ACACA: variants seen among roughly 807,000 people sequenced by gnomAD.
The protein encoded by ACACA is acetyl-CoA carboxylase 1.
In ACACA, 103 loss-of-function variants were observed where a neutral mutation model predicts 296.1. That is an observed-to-expected ratio of 0.35 (90% CI 0.30 to 0.41). The LOEUF (loss-of-function observed/expected upper bound fraction) is 0.41. ACACA is among the 10% of genes least tolerant of loss of function. The pLI is 1.00. For synonymous variants in ACACA, 953 were observed against 1,038.6 expected (o/e 0.92, Z 1.58); for missense variants, 1,554 against 2,989.7 (o/e 0.52, Z 11.20).
intron 24 of ACACA, among the ~76,000 whole-genome samples, chr17:37,239,742 T>C (rs2080296916): frequency 6.6e-6 from 1 of 152,248 alleles, no homozygotes; most frequent in Non-Finnish European, 1.5e-5. Context: ...TTGTTATGTA[T>C]TATTTTGTAT....
At chr17:37,259,765 C>T (rs916731218) in intron 11 of ACACA, among the ~76,000 whole-genome samples, 2 of 152,080 alleles carry the variant, frequency 1.3e-5, no homozygotes, top group African/African-American at 4.8e-5. Context: ...CCTCACCCCA[C>T]CAGACATAAA....
At position 37,281,200 on chromosome 17, in the gene ACACA, C is replaced by T. The variant is rs147574935; in HGVS notation, c.610+2067G>A. On this transcript the variant is annotated intron_variant, in intron 5 of 55. Coordinates refer to ENST00000616317, the MANE Select transcript of ACACA (RefSeq NM_198834.3). ...CTCAGCTTCCGAGTAGCTGGATTTA[C>T]GGGCACCAGCACCATGCCCAGCTAA... Among the ~76,000 whole-genome samples, 914 of 151,924 alleles carry T rather than the reference C, an allele frequency of 6.0e-3. 10 individuals carry two copies. Among genetic ancestry groups the T allele is most frequent in the African/African-American group, 0.021 (851 of 41,440 alleles).
chr17:37,240,591 A>G, intron 23 of ACACA, 27 bp from the exon 24 acceptor site: 1 of 1,591,266 alleles, frequency 6.3e-7, no homozygotes, highest in Non-Finnish European at 8.6e-7. Flanking sequence ...TCTCCACTGA[A>G]AAACCTGACA....
At chr17:37,175,693 G>GAGCT (rs1441337956) in intron 41 of ACACA, among the ~76,000 whole-genome samples, 4 of 152,086 alleles carry the variant, frequency 2.6e-5, no homozygotes, top group Non-Finnish European at 5.9e-5. Context: ...CTCATCTTTG[G>GAGCT]AGCTATCTGC....
chr17:37,276,593 A>C (rs557637507), intron 7 of ACACA, among the ~76,000 whole-genome samples: 2 of 152,386 alleles, frequency 1.3e-5, no homozygotes, highest in South Asian at 4.1e-4. Flanking sequence ...AAAAGTCAGA[A>C]GAAGTATCTC....
chr17:37,145,367 G>A (rs1190203223), intron 45 of ACACA, among the ~76,000 whole-genome samples: 2 of 152,174 alleles, frequency 1.3e-5, no homozygotes, highest in East Asian at 3.9e-4. Flanking sequence ...CACACATCAG[G>A]TCTGCCACGC....
chr17:37,272,932 C>A (rs2082130656), intron 9 of ACACA, among the ~76,000 whole-genome samples: 1 of 152,170 alleles, frequency 6.6e-6, no homozygotes, highest in South Asian at 2.1e-4. Flanking sequence ...GTGGCTTTAT[C>A]ATCATCTTTG....
In ACACA at chr17:37,123,851, T is replaced by C. The variant is rs549443420; in HGVS notation, c.6042-1224A>G. 5.1e-3 allele frequency among the ~76,000 whole-genome samples: 784 copies of C among 152,376 alleles called. 7 individuals carry two copies. The highest frequency in any genetic ancestry group is 0.018 in the African/African-American group (736 of 41,588). On this transcript the variant is annotated intron_variant, in intron 48 of 55. Transcript: ENST00000616317. The stretch of plus-strand genomic sequence containing the variant: ...CTAAATCGGTAACTTATAACTTATA[T>C]ATTAGGGCCCATGTGACCTAATAAA...
intron 28 of ACACA, chr17:37,222,084 T>C: frequency 1.8e-6 from 1 of 540,658 alleles, no homozygotes; most frequent in South Asian, 2.1e-5. Context: ...CTATGTGCAC[T>C]GTAAACCTTC....
intron 1 of ACACA, chr17:37,386,106 A>T (rs1270701277): frequency 6.3e-7 from 1 of 1,580,246 alleles, no homozygotes; most frequent in Non-Finnish European, 8.7e-7. Context: ...ATAAAGAAGG[A>T]GAGAAAACTA....
intron 50 of ACACA, among the ~76,000 whole-genome samples, chr17:37,114,632 T>C (rs1431493492): frequency 6.6e-6 from 1 of 152,086 alleles, no homozygotes; most frequent in Non-Finnish European, 1.5e-5. Flanking sequence ...AGTGAGTCCC[T>C]GGAAAACTGG....
chr17:37,202,829 T>C (rs1409889536), intron 33 of ACACA, among the ~76,000 whole-genome samples: 5 of 151,120 alleles, frequency 3.3e-5, no homozygotes, highest in Non-Finnish European at 7.4e-5. Flanking sequence ...AGTCTACCCT[T>C]ACCTTTCTAA....
intron 1 of ACACA, among the ~76,000 whole-genome samples, chr17:37,372,702 CAT>C (rs886131806): frequency 1.3e-5 from 2 of 152,088 alleles, no homozygotes; most frequent in African/African-American, 4.8e-5. Flanking sequence ...TCATAAAACT[CAT>C]AACTTTTTTC....
Position 37,130,226 on chromosome 17 carries a change from A to G in ACACA, c.5680-8T>C. ...CACTTCCCGCCCGAGGACCTAGAGA[A>G]AAGAGCAAGAGAAAAGACATTTGTC... is the stretch of plus-strand genomic sequence containing the variant. On this transcript the variant is annotated splice_polypyrimidine_tract_variant and splice_region_variant and intron_variant, in intron 45 of 55. Transcript: ENST00000616317. 6.2e-7 allele frequency: 1 copy of G among 1,614,206 alleles called. No individual in the cohort carries two copies. Among genetic ancestry groups the G allele is most frequent in the Non-Finnish European group, 8.5e-7 (1 of 1,180,006 alleles).
rs769236836 is a variant in ACACA at position 37,258,386 on chromosome 17, A to G, written c.1501-13T>C. 6.5e-5 allele frequency: 105 copies of G among 1,613,460 alleles called. No homozygotes were observed. Among genetic ancestry groups the G allele is most frequent in the Non-Finnish European group, 8.4e-5 (99 of 1,179,486 alleles). On this transcript the variant is annotated splice_polypyrimidine_tract_variant and intron_variant, in intron 12 of 55. Transcript: ENST00000616317. ...TCCCCATGGCAATCTGAAAGGTAATAAAACACACATCTTTAATTTTTCAGT... is the reference window on the plus strand; with the variant it reads ...TCCCCATGGCAATCTGAAAGGTAATGAAACACACATCTTTAATTTTTCAGT...
At chr17:37,238,873 G>A (rs1176028870) in intron 24 of ACACA, among the ~76,000 whole-genome samples, 1 of 152,034 alleles carries the variant, frequency 6.6e-6, no homozygotes, top group Admixed American at 6.6e-5. Flanking sequence ...TGTTGCCTGG[G>A]CTGAGTGCAG....
intron 1 of ACACA, among the ~76,000 whole-genome samples, chr17:37,400,268 C>T (rs1436058342): frequency 2.6e-5 from 4 of 152,010 alleles, no homozygotes; most frequent in South Asian, 2.1e-4. Flanking sequence ...TACAGGCATG[C>T]ACCACCACGC....
intron 25 of ACACA, among the ~76,000 whole-genome samples, chr17:37,229,514 A>AT: frequency 6.6e-6 from 1 of 151,942 alleles, no homozygotes; most frequent in Middle Eastern, 3.4e-3. Flanking sequence ...CGTGTTAACC[A>AT]GGATGGTATC....
chr17:37,203,345 T>G (rs2078357363), intron 33 of ACACA, among the ~76,000 whole-genome samples: 1 of 152,114 alleles, frequency 6.6e-6, no homozygotes, highest in Admixed American at 6.5e-5. Context: ...GTGGTCAAAT[T>G]ATGGAAAAAT....
Sources: allele counts gnomAD v4.1 joint callset (sites outside exome capture counted in the v4.1 genomes callset), GRCh38; gene constraint gnomAD v4.1.1; transcripts MANE v1.5; gene names NCBI Gene and HGNC (gene_info 2026-07-23, HGNC 2026-07-21).